Variants in BRAF observed in about 807,000 individuals in gnomAD.
BRAF encodes B-Raf proto-oncogene, serine/threonine kinase.
A neutral mutation model predicts 104.6 loss-of-function variants in BRAF; 16 were observed. The observed-to-expected ratio is 0.15, with a 90% CI of 0.10 to 0.23. The LOEUF (loss-of-function observed/expected upper bound fraction) is 0.23. Ranked by LOEUF, BRAF falls within the 10% of genes least tolerant of loss-of-function variation. The probability of loss-of-function intolerance (pLI) is 1.00; values close to 1 mark genes in which losing one functional copy is unlikely to be tolerated. For missense variants in BRAF, 541 were observed against 937.3 expected, an observed-to-expected ratio of 0.58 and a Z score of 5.52; for synonymous variants, 310 against 341.6, an observed-to-expected ratio of 0.91 and a Z score of 1.02.
In BRAF at chr7:140,743,096, G is replaced by A. The variant is rs573855765; in HGVS notation, c.2113-3150C>T. 3.9e-5 allele frequency among the ~76,000 whole-genome samples: 6 copies of A among 152,216 alleles called. No individual in the cohort carries two copies. The South Asian group carries it at 1.2e-3, about 32-fold the overall frequency. ...CAACAGGTGCTGGAGAGGATGTGGA[G>A]AAATAGGAACACTTTTACACTGTTG... On this transcript the variant is annotated intron_variant, in intron 17 of 19. Transcript: ENST00000644969.
chr7:140,921,789 G>T, intron 1 of BRAF, among the ~76,000 whole-genome samples: 1 of 134,666 alleles, frequency 7.4e-6, no homozygotes, highest in African/African-American at 3.5e-5. Flanking sequence ...TTCCCTCTGG[G>T]AAACTTTTAT....
At chr7:140,917,159 C>A (rs1393859698) in intron 1 of BRAF, among the ~76,000 whole-genome samples, 1 of 152,178 alleles carries the variant, frequency 6.6e-6, no homozygotes, top group Non-Finnish European at 1.5e-5. Context: ...CTCCCGGGTT[C>A]AAGTGTTTCT....
intron 1 of BRAF, among the ~76,000 whole-genome samples, chr7:140,854,947 A>G (rs537275148): frequency 1.3e-5 from 2 of 152,028 alleles, no homozygotes; most frequent in South Asian, 4.2e-4. Flanking sequence ...CTTCGTCTCA[A>G]AAAAAAAGTA....
At chr7:140,910,002 T>G (rs943130617) in intron 1 of BRAF, among the ~76,000 whole-genome samples, 50 of 152,300 alleles carry the variant, frequency 3.3e-4, no homozygotes, top group African/African-American at 1.2e-3. Context: ...TCCTGAACAT[T>G]GTGGGATGGC....
rs1586672465 is a variant in BRAF at position 140,924,260 on chromosome 7, G to T, written c.138+306C>A. Reference sequence around the variant, plus strand: ...AGAGCTGGATACTTCAGCCAATCGTGACCTTCTCGGACCAACCCTGAGTTT... The same window carrying T: ...AGAGCTGGATACTTCAGCCAATCGTTACCTTCTCGGACCAACCCTGAGTTT... On this transcript the variant is annotated intron_variant, in intron 1 of 19. Coordinates refer to ENST00000644969, the MANE Select transcript of BRAF (RefSeq NM_001374258.1). This position sits in a 1 kb window ranked among gnomAD's most constrained non-coding sequence, Gnocchi z 4.2. Among the ~76,000 whole-genome samples, 1 of 152,070 alleles carries T rather than the reference G, an allele frequency of 6.6e-6. No homozygotes were observed. The highest frequency in any genetic ancestry group is 1.5e-5 in the Non-Finnish European group (1 of 68,008).
intron 1 of BRAF, among the ~76,000 whole-genome samples, chr7:140,908,989 C>CTTTTTT (rs1224922004): frequency 3.3e-5 from 4 of 120,122 alleles, no homozygotes; most frequent in Non-Finnish European, 5.5e-5. Flanking sequence ...TCTACGTTTT[C>CTTTTTT]TTTTTTTTTT....
intron 1 of BRAF, among the ~76,000 whole-genome samples, chr7:140,894,182 G>T (rs1362162774): frequency 2.0e-5 from 3 of 152,066 alleles, no homozygotes. Flanking sequence ...GTTCAAGAAA[G>T]AAATGGAAGG....
chr7:140,848,917 C>T (rs1326009176), intron 2 of BRAF, among the ~76,000 whole-genome samples: 1 of 152,160 alleles, frequency 6.6e-6, no homozygotes, highest in African/African-American at 2.4e-5. Flanking sequence ...GAAATATAAA[C>T]TTAACTTTCT....
chr7:140,741,956 C>CA lies in BRAF; in HGVS notation c.2113-2011dup, dbSNP rs541718913. ...ACTGGCCAACAGAGCGAGACTGTCT[C>CA]AAAAAAAAAAAAATTCTTAAAAAAT... is the stretch of plus-strand genomic sequence containing the variant. On this transcript the variant is annotated intron_variant, in intron 17 of 19. Transcript: ENST00000644969. 6.3e-3 allele frequency among the ~76,000 whole-genome samples: 893 copies of CA among 140,680 alleles called. 6 individuals carry two copies. The highest frequency in any genetic ancestry group is 9.4e-3 in the African/African-American group (362 of 38,526). The allele number at this position is 140,680 out of a possible 152,430, so 92.3% of individuals were successfully genotyped here.
rs1350921196 is a variant in BRAF, at chr7:140,834,547, A to G, written c.504+62T>C. On this transcript the variant is annotated intron_variant, in intron 3 of 19. Coordinates refer to ENST00000644969, the MANE Select transcript of BRAF (RefSeq NM_001374258.1). The stretch of plus-strand genomic sequence containing the variant: ...TGAAGTAATAATATATTAATTTTCA[A>G]CAACTGATCTGTCTGAAAAATACAA... 3 of 1,589,658 alleles carry G rather than the reference A, an allele frequency of 1.9e-6. No homozygotes were observed. In the East Asian group the frequency reaches 6.7e-5, roughly 36 times the overall value.
At chr7:140,751,105 T>G (rs1260253775) in intron 16 of BRAF, among the ~76,000 whole-genome samples, 2 of 152,228 alleles carry the variant, frequency 1.3e-5, no homozygotes, top group Non-Finnish European at 2.9e-5. Context: ...TACTGTTGGC[T>G]ATTATTCTCT....
intron 1 of BRAF, among the ~76,000 whole-genome samples, chr7:140,918,028 A>C (rs1817806890): frequency 6.6e-6 from 1 of 152,144 alleles, no homozygotes; most frequent in Admixed American, 6.5e-5. Context: ...AAGATTGCTG[A>C]CCTCTGCCTT....
At chr7:140,745,936 A>G (rs1797310926) in intron 17 of BRAF, among the ~76,000 whole-genome samples, 1 of 152,198 alleles carries the variant, frequency 6.6e-6, no homozygotes, top group South Asian at 2.1e-4. Flanking sequence ...AGAGGTCCAC[A>G]AGGAAAAGCT....
intron 19 of BRAF, chr7:140,734,502 A>T (rs1451040784): frequency 6.2e-7 from 1 of 1,603,808 alleles, no homozygotes. Flanking sequence ...CTTAAAAAAA[A>T]AGAGAGTATT....
intron 1 of BRAF, 73 bp from the exon 2 acceptor site, chr7:140,850,285 A>C: frequency 8.5e-7 from 1 of 1,171,680 alleles, no homozygotes; most frequent in South Asian, 1.3e-5. Flanking sequence ...AACATAGACA[A>C]CTACATCACA....
At chr7:140,762,625 T>A (rs1356431408) in intron 14 of BRAF, among the ~76,000 whole-genome samples, 6 of 142,972 alleles carry the variant, frequency 4.2e-5, no homozygotes, top group Non-Finnish European at 9.1e-5. Flanking sequence ...TTTTTTTTTT[T>A]AATTGATCAT....
intron 14 of BRAF, among the ~76,000 whole-genome samples, chr7:140,764,401 CCT>C (rs1799097736): frequency 6.7e-6 from 1 of 150,228 alleles, no homozygotes; most frequent in Admixed American, 6.6e-5. Flanking sequence ...ACAGGGATGC[CCT>C]CTCTCACCAC....
chr7:140,732,541 GAGT>G (rs1223711858), intron 19 of BRAF: 3 of 152,082 alleles, frequency 2.0e-5, no homozygotes, highest in Non-Finnish European at 2.9e-5. Flanking sequence ...TTAAAAGAGA[GAGT>G]AGAATTACTC....
chr7:140,902,781 T>C (rs145120558), intron 1 of BRAF, among the ~76,000 whole-genome samples: 29 of 151,878 alleles, frequency 1.9e-4, no homozygotes, highest in Non-Finnish European at 3.2e-4. Context: ...AAAAGAAAAA[T>C]AGTTTAAGAA....
Sources: gnomAD v4.1 joint callset for allele counts (sites outside exome capture counted in the v4.1 genomes callset) on GRCh38, gnomAD v4.1.1 for gene constraint, Gnocchi (gnomAD v3.1) non-coding constraint, MANE v1.5 for transcripts, NCBI Gene and HGNC (gene_info 2026-07-23, HGNC 2026-07-21) for gene names.